The following GRIN2B variants were observed in gnomAD, a reference collection of about 807,000 sequenced individuals.
GRIN2B encodes the protein glutamate receptor ionotropic, NMDA 2B.
In GRIN2B, 5 loss-of-function variants were observed where a neutral mutation model predicts 114.5. The ratio of observed to expected loss-of-function variants is 0.04; its 90% CI spans 0.02 to 0.09. The LOEUF (loss-of-function observed/expected upper bound fraction) is 0.09. Ranked by LOEUF, GRIN2B falls within the 10% of genes least tolerant of loss-of-function variation. GRIN2B has a pLI of 1.00. For synonymous variants in GRIN2B, 787 were observed against 745.1 expected (o/e 1.06, Z -0.92); for missense variants, 1,108 against 1,943.5 (o/e 0.57, Z 8.08).
chr12:13,711,247 A>C (rs1245309846), intron 4 of GRIN2B, among the ~76,000 whole-genome samples: 2 of 152,014 alleles, frequency 1.3e-5, no homozygotes, highest in Admixed American at 6.6e-5. Context: ...TTAAAGACTT[A>C]CATGTTAGAC....
chr12:13,597,004 G>A (rs1333768099), intron 10 of GRIN2B, among the ~76,000 whole-genome samples: 2 of 152,230 alleles, frequency 1.3e-5, no homozygotes, highest in South Asian at 2.1e-4. Context: ...CTGGTAGGCA[G>A]TATCACAGGG....
intron 2 of GRIN2B, among the ~76,000 whole-genome samples, chr12:13,970,188 A>G (rs987296901): frequency 2.0e-5 from 3 of 152,192 alleles, no homozygotes; most frequent in Non-Finnish European, 4.4e-5. Flanking sequence ...AGCCTTGAGG[A>G]ATGAACAGTA....
chr12:13,615,425 TA>T lies in GRIN2B; in HGVS notation c.1500+67del. ...TGAAATGCATAAAGTGAGCACGTTT[TA>T]AACTTATATTTAGAAGAAGGAAAAT... is the stretch of plus-strand genomic sequence containing the variant. On this transcript the variant is annotated intron_variant, in intron 7 of 13. Transcript: ENST00000609686. The surrounding 1 kb of genome is among the most constrained non-coding windows in gnomAD (Gnocchi z 5.8). 2.0e-6 allele frequency: 3 copies of T among 1,493,712 alleles called. No homozygotes were observed. Among genetic ancestry groups the T allele is most frequent in the Non-Finnish European group, 2.8e-6 (3 of 1,070,102 alleles). The allele number at this position is 1,493,712 out of a possible 1,614,324, so 92.5% of individuals were successfully genotyped here. A position where few individuals can be genotyped will look rare whatever the true frequency, so the allele number is the denominator to read the frequency against.
At chr12:13,594,990 G>A (rs761377993) in intron 10 of GRIN2B, among the ~76,000 whole-genome samples, 1 of 152,154 alleles carries the variant, frequency 6.6e-6, no homozygotes, top group Non-Finnish European at 1.5e-5. Context: ...CTCACACAGA[G>A]TCCCAGCATG....
chr12:13,604,602 CTCATT>C (rs991055816), intron 10 of GRIN2B, among the ~76,000 whole-genome samples: 6 of 152,154 alleles, frequency 3.9e-5, no homozygotes, highest in African/African-American at 1.4e-4. Context: ...TCAAAATCAT[CTCATT>C]TCTTTTCTCA....
Position 13,550,771 on chromosome 12 carries a change from T to C in GRIN2B, c.*12012A>G, listed in dbSNP as rs1221591568. 6.6e-6 allele frequency: 1 copy of C among 152,202 alleles called. No homozygotes were observed. The highest frequency in any genetic ancestry group is 1.5e-5 in the Non-Finnish European group (1 of 68,024). The allele number at this position is 152,202 out of a possible 1,614,324, so 9.4% of individuals were successfully genotyped here. On this transcript the variant is annotated 3_prime_UTR_variant, in exon 14 of 14. Coordinates refer to ENST00000609686, the MANE Select transcript of GRIN2B (RefSeq NM_000834.5). ...ATTGACTGTGCTAGACTGATTGGGC[T>C]CGAGTTTGGAAACATTAAGTACCAT... is the stretch of plus-strand genomic sequence containing the variant.
intron 4 of GRIN2B, among the ~76,000 whole-genome samples, chr12:13,728,610 G>A (rs1565515464): frequency 6.6e-6 from 1 of 152,134 alleles, no homozygotes; most frequent in Non-Finnish European, 1.5e-5. Flanking sequence ...CACCCTCTTT[G>A]TGTGTGCTTC....
At chr12:13,893,362 A>C (rs554103920) in intron 2 of GRIN2B, among the ~76,000 whole-genome samples, 2 of 152,162 alleles carry the variant, frequency 1.3e-5, no homozygotes, top group Non-Finnish European at 2.9e-5. Flanking sequence ...AGCAGAAAAC[A>C]TTAAAAACTA....
At chr12:13,933,908 T>C (rs1867082244) in intron 2 of GRIN2B, among the ~76,000 whole-genome samples, 1 of 152,174 alleles carries the variant, frequency 6.6e-6, no homozygotes, top group Admixed American at 6.5e-5. Context: ...AATATTTTCC[T>C]CCTCCTCAAG....
intron 2 of GRIN2B, among the ~76,000 whole-genome samples, chr12:13,956,094 G>C (rs1264722183): frequency 6.6e-6 from 1 of 152,210 alleles, no homozygotes; most frequent in Non-Finnish European, 1.5e-5. Flanking sequence ...AACTTTGACA[G>C]TGCTGGGATG....
At chr12:13,851,120 G>A (rs554874876) in intron 3 of GRIN2B, among the ~76,000 whole-genome samples, 1 of 152,054 alleles carries the variant, frequency 6.6e-6, no homozygotes, top group Admixed American at 6.6e-5. Flanking sequence ...GCAAATCCAG[G>A]ATTCAAAACA....
intron 3 of GRIN2B, among the ~76,000 whole-genome samples, chr12:13,771,758 C>T (rs1345680174): frequency 4.6e-5 from 7 of 152,180 alleles, no homozygotes; most frequent in Middle Eastern, 3.2e-3. Context: ...CGTGAGGATG[C>T]GTTTCATTTC....
At chr12:13,954,689 G>A (rs981067978) in intron 2 of GRIN2B, among the ~76,000 whole-genome samples, 3 of 151,336 alleles carry the variant, frequency 2.0e-5, no homozygotes, top group African/African-American at 7.3e-5. Flanking sequence ...GTGCACACCT[G>A]TAATCGCAGC....
At chr12:13,886,527 A>G (rs1866160976) in intron 2 of GRIN2B, among the ~76,000 whole-genome samples, 1 of 152,070 alleles carries the variant, frequency 6.6e-6, no homozygotes, top group Admixed American at 6.6e-5. Context: ...TGAACAGAGG[A>G]GTATTGATGA....
intron 2 of GRIN2B, among the ~76,000 whole-genome samples, chr12:13,875,225 A>G (rs112110890): frequency 0.014 from 2,067 of 152,206 alleles, 47 homozygotes; most frequent in African/African-American, 0.048. Flanking sequence ...AAAGTTGAAG[A>G]AAAAAAATAA....
At chr12:13,666,065 G>A (rs1362994076) in intron 5 of GRIN2B, among the ~76,000 whole-genome samples, 2 of 152,164 alleles carry the variant, frequency 1.3e-5, no homozygotes, top group African/African-American at 2.4e-5. Context: ...GAAAAACATG[G>A]AAAGGCATCC....
chr12:13,634,658 A>G (rs1949651427), intron 5 of GRIN2B, among the ~76,000 whole-genome samples: 1 of 152,216 alleles, frequency 6.6e-6, no homozygotes, highest in African/African-American at 2.4e-5. Flanking sequence ...AATGGGAAAT[A>G]GAGTCCATCT....
rs201048185 is a variant in GRIN2B at position 13,561,947 on chromosome 12, A to G, written c.*836T>C. 2 of 152,662 alleles carry G rather than the reference A, an allele frequency of 1.3e-5. No individual in the cohort carries two copies. Among genetic ancestry groups the G allele is most frequent in the Admixed American group, 6.5e-5 (1 of 15,286 alleles). The allele number at this position is 152,662 out of a possible 1,614,324, so 9.5% of individuals were successfully genotyped here. A position where few individuals can be genotyped will look rare whatever the true frequency, so the allele number is the denominator to read the frequency against. On this transcript the variant is annotated 3_prime_UTR_variant, in exon 14 of 14. Transcript: ENST00000609686. ...TCTCTGTCTGTATATAAGCCAAACA[A>G]TCACACTGCTTGGGGATATTGAAAG... is the stretch of plus-strand genomic sequence containing the variant.
At chr12:13,880,522 T>G (rs1042966993) in intron 2 of GRIN2B, among the ~76,000 whole-genome samples, 7 of 152,300 alleles carry the variant, frequency 4.6e-5, no homozygotes, top group African/African-American at 1.7e-4. Flanking sequence ...AAACCGCAGC[T>G]GCCTCTGAGA....
Sources: allele counts gnomAD v4.1 joint callset (sites outside exome capture counted in the v4.1 genomes callset), GRCh38; gene constraint gnomAD v4.1.1; non-coding constraint Gnocchi (gnomAD v3.1); transcripts MANE v1.5; gene names NCBI Gene and HGNC (gene_info 2026-07-23, HGNC 2026-07-21).